The following TYW1B variants were observed in gnomAD, a reference collection of about 807,000 sequenced individuals.
TYW1B encodes S-adenosyl-L-methionine-dependent tRNA 4-demethylwyosine synthase TYW1B.
Under a neutral mutation model 86.9 loss-of-function variants are expected in TYW1B, and 73 were observed. The observed-to-expected ratio is 0.84, with a 90% CI of 0.70 to 1.02. The LOEUF (loss-of-function observed/expected upper bound fraction) is 1.02, where lower values mean the gene tolerates loss of function less well. Among genes scored for constraint, TYW1B ranks in the 50% least tolerant of loss-of-function variants. The pLI is 0.00. For missense variants in TYW1B, 637 were observed against 827.4 expected (o/e 0.77, Z 2.82); for synonymous variants, 248 against 292.8 (o/e 0.85, Z 1.56).
chr7:72,747,220 G>A lies in TYW1B; in HGVS notation c.965-2619C>T, dbSNP rs1442680122. On this transcript the variant is annotated intron_variant, in intron 7 of 13. Coordinates refer to ENST00000620995, the MANE Select transcript of TYW1B (RefSeq NM_001145440.3). Reference sequence around the variant, plus strand: ...TGAATCACAGGTGCCGGTCTTTCCTGTACTATTCTTGTGATAGTGAATAAG... The same window carrying A: ...TGAATCACAGGTGCCGGTCTTTCCTATACTATTCTTGTGATAGTGAATAAG... Among the ~76,000 whole-genome samples, 11 of 152,166 alleles carry A rather than the reference G, an allele frequency of 7.2e-5. 1 individual carries two copies. Among genetic ancestry groups the A allele is most frequent in the South Asian group, 2.1e-4 (1 of 4,824 alleles).
chr7:72,818,375 A>G (rs1788764123), intron 2 of TYW1B, among the ~76,000 whole-genome samples: 1 of 151,910 alleles, frequency 6.6e-6, no homozygotes, highest in Non-Finnish European at 1.5e-5. Context: ...TGAGGTCAGG[A>G]GTTCGAGACC....
intron 11 of TYW1B, among the ~76,000 whole-genome samples, chr7:72,651,940 T>C (rs1390083309): frequency 2.2e-4 from 33 of 152,224 alleles, no homozygotes; most frequent in Non-Finnish European, 3.8e-4. Context: ...AATTAAGAGA[T>C]AGGGTCTTGC....
At chr7:72,822,137 T>A (rs1341642540) in intron 2 of TYW1B, among the ~76,000 whole-genome samples, 4 of 119,966 alleles carry the variant, frequency 3.3e-5, no homozygotes, top group East Asian at 2.3e-4. Flanking sequence ...CACTCCAGCC[T>A]GGGTGACAGA....
At chr7:72,758,487 G>A (rs1787632630) in intron 7 of TYW1B, among the ~76,000 whole-genome samples, 1 of 151,374 alleles carries the variant, frequency 6.6e-6, no homozygotes, top group African/African-American at 2.4e-5. Context: ...TTCTCTCTCT[G>A]TTTGTTATCT....
chr7:72,642,167 T>A (rs2129569039), intron 11 of TYW1B, among the ~76,000 whole-genome samples: 1 of 152,288 alleles, frequency 6.6e-6, no homozygotes, highest in East Asian at 1.9e-4. Flanking sequence ...GACAACTAGT[T>A]ATTCACAGGC....
chr7:72,692,536 A>C (rs1814195985), intron 11 of TYW1B, among the ~76,000 whole-genome samples: 1 of 152,144 alleles, frequency 6.6e-6, no homozygotes, highest in Non-Finnish European at 1.5e-5. Flanking sequence ...GGAAGCATTT[A>C]TCAAATACCT....
chr7:72,806,019 C>A (rs1044063415), intron 5 of TYW1B, among the ~76,000 whole-genome samples: 2 of 151,878 alleles, frequency 1.3e-5, no homozygotes, highest in Non-Finnish European at 1.5e-5. Flanking sequence ...AGGGAAAAAG[C>A]GGAATCTAGG....
At chr7:72,638,594 A>G (rs533192928) in intron 11 of TYW1B, among the ~76,000 whole-genome samples, 6 of 152,240 alleles carry the variant, frequency 3.9e-5, no homozygotes, top group Non-Finnish European at 7.3e-5. Flanking sequence ...CATTAATATC[A>G]GGAGCAAAGC....
At chr7:72,696,060 G>A (rs1554451437) in intron 10 of TYW1B, among the ~76,000 whole-genome samples, 1 of 150,128 alleles carries the variant, frequency 6.7e-6, no homozygotes, top group Non-Finnish European at 1.5e-5. Context: ...TGACTCTCCT[G>A]CCTCAGTCTC....
chr7:72,788,027 G>A (rs1346074400), intron 6 of TYW1B, among the ~76,000 whole-genome samples: 1 of 151,828 alleles, frequency 6.6e-6, no homozygotes, highest in Non-Finnish European at 1.5e-5. Flanking sequence ...GCCCAGGCTG[G>A]AGTGCAGTGG....
At position 72,828,115 on chromosome 7, in the gene TYW1B, G is replaced by A. The variant is rs375500448; in HGVS notation, c.-40C>T. 2 of 1,613,112 alleles carry A rather than the reference G, an allele frequency of 1.2e-6. No homozygotes were observed. The highest frequency in any genetic ancestry group is 1.3e-5 in the African/African-American group (1 of 75,062). On this transcript the variant is annotated 5_prime_UTR_variant, in exon 1 of 14. Coordinates refer to ENST00000620995, the MANE Select transcript of TYW1B (RefSeq NM_001145440.3). ...ACAGGAGACTAGGATCTCGGACCTG[G>A]AGAGCCCAAAGGTTCGCACTGGTAC...
chr7:72,804,855 G>T (rs1252581090), intron 5 of TYW1B, among the ~76,000 whole-genome samples: 1 of 152,128 alleles, frequency 6.6e-6, no homozygotes, highest in Non-Finnish European at 1.5e-5. Context: ...CAATAAGCTG[G>T]ATCTGGCCAG....
chr7:72,721,636 A>G (rs1254669152), intron 9 of TYW1B, among the ~76,000 whole-genome samples: 24 of 151,654 alleles, frequency 1.6e-4, no homozygotes, highest in Admixed American at 4.6e-4. Flanking sequence ...ACACACACAC[A>G]CGCACACACA....
intron 6 of TYW1B, among the ~76,000 whole-genome samples, chr7:72,779,382 T>C (rs1458158058): frequency 6.6e-6 from 1 of 152,310 alleles, no homozygotes; most frequent in East Asian, 1.9e-4. Context: ...TGTGTACTTT[T>C]GAGAACATTC....
chr7:72,675,539 G>GTA lies in TYW1B; in HGVS notation c.1506+19146_1506+19147dup, dbSNP rs57288719. ...ATGTTGCCCTAATACAGTGATGTCA[G>GTA]TATATATATATATATATACACACAT... On this transcript the variant is annotated intron_variant, in intron 11 of 13. Coordinates refer to ENST00000620995, the MANE Select transcript of TYW1B (RefSeq NM_001145440.3). Among the ~76,000 whole-genome samples the GTA allele has an allele frequency of 6.6e-3, 948 of 144,438 alleles. 7 individuals carry two copies. The highest frequency in any genetic ancestry group is 0.019 in the African/African-American group (743 of 39,318). 94.8% of individuals were successfully genotyped at this position (144,438 alleles called of 152,430 possible).
chr7:72,729,461 G>C (rs1444382401), intron 8 of TYW1B, among the ~76,000 whole-genome samples: 1 of 152,022 alleles, frequency 6.6e-6, no homozygotes, highest in Non-Finnish European at 1.5e-5. Flanking sequence ...ATCCTGCCCT[G>C]GGAGCCAAAG....
intron 11 of TYW1B, among the ~76,000 whole-genome samples, chr7:72,665,188 T>C (rs1181298337): frequency 1.3e-5 from 2 of 152,204 alleles, no homozygotes; most frequent in Non-Finnish European, 2.9e-5. Context: ...GTTATGCAAA[T>C]AATTTTAAAA....
chr7:72,629,672 A>G lies in TYW1B; in HGVS notation c.1507-675T>C, dbSNP rs1462027891. On this transcript the variant is annotated intron_variant, in intron 11 of 13. Coordinates refer to ENST00000620995, the MANE Select transcript of TYW1B (RefSeq NM_001145440.3). ...AGTGATCCTCCTGCCTCAGCTTCCC[A>G]AGTAGCTGGGACTACAGGCACATAT... is the stretch of plus-strand genomic sequence containing the variant. Among the ~76,000 whole-genome samples, 3 of 152,032 alleles carry G rather than the reference A, an allele frequency of 2.0e-5. No individual in the cohort carries two copies. The East Asian group carries it at 5.8e-4, about 29-fold the overall frequency.
chr7:72,811,119 A>C (rs1435348434), intron 3 of TYW1B, among the ~76,000 whole-genome samples: 11 of 151,692 alleles, frequency 7.3e-5, no homozygotes, highest in Non-Finnish European at 1.2e-4. Flanking sequence ...AAAATACAAA[A>C]AATTAGACAG....
Sources: allele counts gnomAD v4.1 joint callset (sites outside exome capture counted in the v4.1 genomes callset), GRCh38; gene constraint gnomAD v4.1.1; transcripts MANE v1.5; gene names NCBI Gene and HGNC (gene_info 2026-07-23, HGNC 2026-07-21).